RORA: variants seen among roughly 807,000 people sequenced by gnomAD.
RORA encodes the protein RAR related orphan receptor A.
In RORA, 7 loss-of-function variants were observed where a neutral mutation model predicts 69.5. That is an observed-to-expected ratio of 0.10 (90% CI 0.06 to 0.19). RORA has a LOEUF of 0.19. Ranked by LOEUF, RORA falls within the 10% of genes least tolerant of loss-of-function variation. The pLI, the probability that RORA is intolerant of heterozygous loss-of-function variation, is 1.00. For missense variants in RORA, 457 were observed against 663.0 expected, an observed-to-expected ratio of 0.69 and a Z score of 3.41; for synonymous variants, 261 against 240.8, an observed-to-expected ratio of 1.08 and a Z score of -0.78.
At chr15:61,057,947 C>A (rs758143868) in intron 1 of RORA, among the ~76,000 whole-genome samples, 12 of 152,186 alleles carry the variant, frequency 7.9e-5, no homozygotes, top group Non-Finnish European at 1.0e-4. Context: ...AGAGGAGATT[C>A]AGCAAAAGAT....
At chr15:60,652,874 C>T (rs1201464122) in intron 2 of RORA, among the ~76,000 whole-genome samples, 1 of 152,218 alleles carries the variant, frequency 6.6e-6, no homozygotes, top group South Asian at 2.1e-4. Flanking sequence ...TTGCTCTCTT[C>T]CTCTCCATTG....
chr15:61,150,938 G>A (rs1399486854), intron 1 of RORA, among the ~76,000 whole-genome samples: 1 of 152,146 alleles, frequency 6.6e-6, no homozygotes, highest in African/African-American at 2.4e-5. Context: ...CATATCTGCA[G>A]AGCTTTTAAA....
At chr15:60,536,936 A>ATGTT (rs1348435588) in intron 2 of RORA, among the ~76,000 whole-genome samples, 3 of 152,368 alleles carry the variant, frequency 2.0e-5, no homozygotes, top group African/African-American at 2.4e-5. Context: ...TATTTCTCTA[A>ATGTT]TGTTTGAATT....
At chr15:61,085,892 A>C (rs757097939) in intron 1 of RORA, among the ~76,000 whole-genome samples, 16 of 152,226 alleles carry the variant, frequency 1.1e-4, no homozygotes, top group Non-Finnish European at 2.2e-4. Flanking sequence ...GGCCACTTGC[A>C]GTTATAAAAC....
chr15:61,108,532 G>C (rs2078972649), intron 1 of RORA, among the ~76,000 whole-genome samples: 1 of 152,194 alleles, frequency 6.6e-6, no homozygotes, highest in South Asian at 2.1e-4. Context: ...GCAGCAGGCA[G>C]AGTTGAGTAG....
intron 1 of RORA, among the ~76,000 whole-genome samples, chr15:60,760,199 G>T (rs2071866275): frequency 6.6e-6 from 1 of 151,864 alleles, no homozygotes; most frequent in Non-Finnish European, 1.5e-5. Flanking sequence ...GCTCTTCTAA[G>T]AAATGTCAAT....
intron 1 of RORA, among the ~76,000 whole-genome samples, chr15:61,118,655 C>G (rs1050670508): frequency 4.6e-5 from 7 of 152,150 alleles, no homozygotes; most frequent in Admixed American, 4.6e-4. Flanking sequence ...GAGAGCAGCT[C>G]AGGAACCTGG....
At chr15:61,036,652 T>C (rs1396216877) in intron 1 of RORA, among the ~76,000 whole-genome samples, 3 of 151,964 alleles carry the variant, frequency 2.0e-5, no homozygotes, top group South Asian at 2.1e-4. Flanking sequence ...TCTCTAAAAA[T>C]GTTTTCATGT....
intron 1 of RORA, among the ~76,000 whole-genome samples, chr15:60,779,257 C>G (rs2072219248): frequency 6.6e-6 from 1 of 152,192 alleles, no homozygotes; most frequent in South Asian, 2.1e-4. Flanking sequence ...CTGGAGTGAT[C>G]CGAGTGGCCT....
At chr15:60,609,712 A>G (rs936184782) in intron 2 of RORA, among the ~76,000 whole-genome samples, 2 of 152,228 alleles carry the variant, frequency 1.3e-5, no homozygotes, top group African/African-American at 2.4e-5. Context: ...TCCTCATCCT[A>G]TCACCAAAGT....
chr15:60,744,656 T>C (rs1406239405), intron 1 of RORA, among the ~76,000 whole-genome samples: 1 of 152,160 alleles, frequency 6.6e-6, no homozygotes. Context: ...TATGCCAGCT[T>C]GCTCTGAGGA....
chr15:61,078,329 CTGTGTGTG>C (rs56676588), intron 1 of RORA, among the ~76,000 whole-genome samples: 6,874 of 133,198 alleles, frequency 0.052, 183 homozygotes, highest in Middle Eastern at 0.064. Flanking sequence ...ACACCTGGCT[CTGTGTGTG>C]TGTGTGTGTG....
chr15:60,890,912 A>G (rs1159447159), intron 1 of RORA, among the ~76,000 whole-genome samples: 1 of 152,234 alleles, frequency 6.6e-6, no homozygotes, highest in Non-Finnish European at 1.5e-5. Flanking sequence ...GAAGTGCCCA[A>G]TAGTGGGACG....
chr15:60,942,978 G>A (rs1284955425), intron 1 of RORA, among the ~76,000 whole-genome samples: 4 of 152,172 alleles, frequency 2.6e-5, no homozygotes, highest in Non-Finnish European at 4.4e-5. Context: ...TTTCTTTTCT[G>A]CCTTCATAGA....
intron 2 of RORA, chr15:60,593,242 C>T: frequency 5.5e-6 from 1 of 180,282 alleles, no homozygotes; most frequent in Non-Finnish European, 1.2e-5. Flanking sequence ...CCCCCTTCCC[C>T]GCGTCCAAGA....
chr15:60,538,996 AATGC>A lies in RORA; in HGVS notation c.197-7149_197-7146del, dbSNP rs1378714256. On this transcript the variant is annotated intron_variant, in intron 2 of 10. Transcript: ENST00000335670. ...TAAAAAGTGTTGAGTATACCTGCCA[AATGC>A]ACACACACACACACACACACACACA... Among the ~76,000 whole-genome samples the A allele has an allele frequency of 8.2e-5, 3 of 36,684 alleles. No individual in the cohort carries two copies. The Admixed American group carries it at 1.2e-3, about 15-fold the overall frequency. The allele number at this position is 36,684 out of a possible 152,430, so 24.1% of individuals were successfully genotyped here.
chr15:60,549,346 T>G (rs927755017), intron 2 of RORA, among the ~76,000 whole-genome samples: 1 of 152,086 alleles, frequency 6.6e-6, no homozygotes, highest in South Asian at 2.1e-4. Context: ...GCATATTTGT[T>G]GTTGTTATTT....
chr15:61,103,286 C>A (rs1470847739), intron 1 of RORA, among the ~76,000 whole-genome samples: 1 of 152,178 alleles, frequency 6.6e-6, no homozygotes, highest in Non-Finnish European at 1.5e-5. Context: ...AGGAGGGAGC[C>A]TTCACCATGA....
intron 1 of RORA, among the ~76,000 whole-genome samples, chr15:60,881,125 A>C (rs988429610): frequency 6.6e-6 from 1 of 152,244 alleles, no homozygotes; most frequent in Non-Finnish European, 1.5e-5. Flanking sequence ...TCCAAACTTC[A>C]TCATGATCTT....
Sources: gnomAD v4.1 joint callset for allele counts (sites outside exome capture counted in the v4.1 genomes callset) on GRCh38, gnomAD v4.1.1 for gene constraint, MANE v1.5 for transcripts, NCBI Gene and HGNC (gene_info 2026-07-23, HGNC 2026-07-21) for gene names.